ZSWIM5: variants seen among roughly 807,000 people sequenced by gnomAD.
The protein encoded by ZSWIM5 is zinc finger SWIM domain-containing protein 5.
A neutral mutation model predicts 119.6 loss-of-function variants in ZSWIM5; 55 were observed. The ratio of observed to expected loss-of-function variants is 0.46; its 90% CI spans 0.37 to 0.58. The LOEUF (loss-of-function observed/expected upper bound fraction) is 0.58. ZSWIM5 is among the 20% of genes least tolerant of loss of function. ZSWIM5 has a pLI of 0.00. For synonymous variants in ZSWIM5, 537 were observed against 606.9 expected, an observed-to-expected ratio of 0.88 and a Z score of 1.69; for missense variants, 1,193 against 1,512.8, an observed-to-expected ratio of 0.79 and a Z score of 3.51.
At chr1:45,110,825 G>A (rs1446722373) in intron 1 of ZSWIM5, among the ~76,000 whole-genome samples, 1 of 152,154 alleles carries the variant, frequency 6.6e-6, no homozygotes, top group Non-Finnish European at 1.5e-5. Flanking sequence ...GCCACAGAGA[G>A]CTCTTTATCT....
At chr1:45,100,437 A>G (rs2149017220) in intron 1 of ZSWIM5, among the ~76,000 whole-genome samples, 1 of 152,344 alleles carries the variant, frequency 6.6e-6, no homozygotes, top group East Asian at 1.9e-4. Context: ...ATGCTCGTGG[A>G]TAGGAAGAAT....
At chr1:45,091,347 A>G (rs929901975) in intron 1 of ZSWIM5, among the ~76,000 whole-genome samples, 2 of 152,126 alleles carry the variant, frequency 1.3e-5, no homozygotes, top group Non-Finnish European at 2.9e-5. Context: ...AGTAATGTCA[A>G]TGTGGAAAAG....
chr1:45,129,563 G>A (rs1286812042), intron 1 of ZSWIM5, among the ~76,000 whole-genome samples: 1 of 151,954 alleles, frequency 6.6e-6, no homozygotes, highest in Non-Finnish European at 1.5e-5. Context: ...AATTCCAGTT[G>A]TTCATTGCTG....
intron 1 of ZSWIM5, among the ~76,000 whole-genome samples, chr1:45,145,475 C>T (rs1257877029): frequency 6.6e-6 from 1 of 151,644 alleles, no homozygotes; most frequent in Non-Finnish European, 1.5e-5. Context: ...AGAATACTAC[C>T]CAGCAAAAAG....
intron 1 of ZSWIM5, among the ~76,000 whole-genome samples, chr1:45,202,202 T>A (rs1210481526): frequency 6.6e-6 from 1 of 152,114 alleles, no homozygotes; most frequent in Non-Finnish European, 1.5e-5. Flanking sequence ...AACTCACATA[T>A]GCCACAGTTT....
intron 1 of ZSWIM5, among the ~76,000 whole-genome samples, chr1:45,162,597 T>A (rs1396989012): frequency 6.6e-6 from 1 of 152,228 alleles, no homozygotes; most frequent in Non-Finnish European, 1.5e-5. Flanking sequence ...AGATGGCACC[T>A]GGAAAATCAG....
At chr1:45,191,941 T>G (rs898056384) in intron 1 of ZSWIM5, among the ~76,000 whole-genome samples, 10 of 152,210 alleles carry the variant, frequency 6.6e-5, no homozygotes, top group African/African-American at 2.4e-4. Flanking sequence ...TTCAAAGATT[T>G]GTGCAACCAT....
At chr1:45,168,914 T>C (rs973299724) in intron 1 of ZSWIM5, among the ~76,000 whole-genome samples, 10 of 152,102 alleles carry the variant, frequency 6.6e-5, no homozygotes, top group African/African-American at 2.4e-4. Context: ...TATCACAGTC[T>C]TTACCAAGTC....
chr1:45,155,349 TG>T (rs1645820835), intron 1 of ZSWIM5, among the ~76,000 whole-genome samples: 1 of 152,138 alleles, frequency 6.6e-6, no homozygotes, highest in South Asian at 2.1e-4. Flanking sequence ...CCTGCAAGAA[TG>T]GCCATTATCA....
intron 2 of ZSWIM5, among the ~76,000 whole-genome samples, chr1:45,065,480 C>T (rs1165201411): frequency 6.6e-6 from 1 of 152,080 alleles, no homozygotes; most frequent in Non-Finnish European, 1.5e-5. Flanking sequence ...ATGATAACGG[C>T]AGTAGCTGTG....
chr1:45,150,188 A>G (rs113182745), intron 1 of ZSWIM5, among the ~76,000 whole-genome samples: 2,137 of 150,746 alleles, frequency 0.014, 64 homozygotes, highest in African/African-American at 0.049. Context: ...AAAAAAAAAA[A>G]AAAGAAAAAG....
At chr1:45,189,387 T>C (rs923250399) in intron 1 of ZSWIM5, among the ~76,000 whole-genome samples, 1 of 152,128 alleles carries the variant, frequency 6.6e-6, no homozygotes, top group African/African-American at 2.4e-5. Context: ...TGAAAACTTT[T>C]GCAATTAGTA....
At chr1:45,107,620 C>T (rs558570388) in intron 1 of ZSWIM5, among the ~76,000 whole-genome samples, 19 of 127,774 alleles carry the variant, frequency 1.5e-4, no homozygotes, top group Admixed American at 4.7e-4. Context: ...CCAGCCTGGG[C>T]GACAGAGTGA....
At chr1:45,080,971 G>A (rs2149008493) in intron 2 of ZSWIM5, among the ~76,000 whole-genome samples, 1 of 152,266 alleles carries the variant, frequency 6.6e-6, no homozygotes, top group East Asian at 1.9e-4. Context: ...AGGGAGCAGA[G>A]CAAAGCTTGG....
At chr1:45,198,072 C>T (rs1232846995) in intron 1 of ZSWIM5, among the ~76,000 whole-genome samples, 5 of 152,192 alleles carry the variant, frequency 3.3e-5, no homozygotes, top group Admixed American at 6.5e-5. Flanking sequence ...GTGCTCTAAT[C>T]GAGGACAGAC....
rs1286253139 is a variant in ZSWIM5 at position 45,018,655 on chromosome 1, A to G, written c.3357T>C (p.Tyr1119=). 6 of 1,614,096 alleles carry G rather than the reference A, an allele frequency of 3.7e-6. No homozygotes were observed. The highest frequency in any genetic ancestry group is 2.2e-5 in the East Asian group (1 of 44,896). The change falls in exon 14 of 14, where the codon TAT becomes TAC. Residue 1119 remains tyrosine (Y), a synonymous_variant. Coordinates refer to ENST00000359600, the MANE Select transcript of ZSWIM5 (RefSeq NM_020883.2). The surrounding 1 kb of genome is among the most constrained non-coding windows in gnomAD (Gnocchi z 6.7). ...RQLLDATINA[Y]INTTHSRLTH... ...TTAGGCGTGAGTGTGTAGTGTTGAT[A>G]TAGGCATTGATGGTGGCATCCAGCA...
chr1:45,112,346 T>C (rs1355740377), intron 1 of ZSWIM5, among the ~76,000 whole-genome samples: 1 of 152,250 alleles, frequency 6.6e-6, no homozygotes, highest in Non-Finnish European at 1.5e-5. Context: ...CTTCAGCAGG[T>C]TACATAACTT....
At chr1:45,182,198 C>T (rs1446719211) in intron 1 of ZSWIM5, among the ~76,000 whole-genome samples, 49 of 152,120 alleles carry the variant, frequency 3.2e-4, no homozygotes, top group Admixed American at 1.2e-3. Flanking sequence ...GGGCGGATCA[C>T]GAGGTCAGGA....
chr1:45,157,966 T>A (rs1144870), intron 1 of ZSWIM5, among the ~76,000 whole-genome samples: 24,194 of 152,092 alleles, frequency 0.16, 2,568 homozygotes, highest in African/African-American at 0.29. Flanking sequence ...TATATAATCT[T>A]TTGTGATGTG....
Sources: allele counts gnomAD v4.1 joint callset (sites outside exome capture counted in the v4.1 genomes callset), GRCh38; gene constraint gnomAD v4.1.1; non-coding constraint Gnocchi (gnomAD v3.1); transcripts MANE v1.5; gene names NCBI Gene and HGNC (gene_info 2026-07-23, HGNC 2026-07-21).